Variants in ANKFN1 observed in about 807,000 individuals in gnomAD.
The protein encoded by ANKFN1 is ankyrin repeat and fibronectin type III domain containing 1.
A neutral mutation model predicts 108.7 loss-of-function variants in ANKFN1; 74 were observed. That is an observed-to-expected ratio of 0.68 (90% CI 0.56 to 0.83). The LOEUF (loss-of-function observed/expected upper bound fraction) is 0.83. Ranked by LOEUF, ANKFN1 falls within the 40% of genes least tolerant of loss-of-function variation. The pLI is 0.00. For synonymous variants in ANKFN1, 547 were observed against 516.2 expected, an observed-to-expected ratio of 1.06 and a Z score of -0.81; for missense variants, 1,505 against 1,382.3, an observed-to-expected ratio of 1.09 and a Z score of -1.41.
chr17:56,108,605 C>T (rs144947367), intron 4 of ANKFN1, among the ~76,000 whole-genome samples: 288 of 152,256 alleles, frequency 1.9e-3, no homozygotes, highest in Non-Finnish European at 3.4e-3. Flanking sequence ...AGTAACTTAA[C>T]CAATATATAA....
At chr17:56,200,860 G>T (rs1021011315) in intron 1 of ANKFN1, among the ~76,000 whole-genome samples, 1 of 152,146 alleles carries the variant, frequency 6.6e-6, no homozygotes, top group Non-Finnish European at 1.5e-5. Context: ...ATCCTCTATA[G>T]CTACAGTCTC....
chr17:56,182,399 G>A (rs1911770975), intron 1 of ANKFN1, among the ~76,000 whole-genome samples: 2 of 152,162 alleles, frequency 1.3e-5, no homozygotes, highest in Admixed American at 6.6e-5. Context: ...AAGCAAAACA[G>A]CCTTATTGCT....
At chr17:56,409,987 A>T (rs1168315265) in intron 8 of ANKFN1, among the ~76,000 whole-genome samples, 1 of 152,154 alleles carries the variant, frequency 6.6e-6, no homozygotes, top group African/African-American at 2.4e-5. Flanking sequence ...TTTTTTAAAA[A>T]AACTGAAAGT....
At chr17:56,232,276 G>A (rs924464484) in intron 3 of ANKFN1, among the ~76,000 whole-genome samples, 2 of 152,066 alleles carry the variant, frequency 1.3e-5, no homozygotes, top group African/African-American at 4.8e-5. Context: ...GAACTGAAAA[G>A]AATACTGCTG....
chr17:56,414,972 ATCGCACCACTGCAC>A (rs1301232904), intron 8 of ANKFN1, among the ~76,000 whole-genome samples: 1 of 152,206 alleles, frequency 6.6e-6, no homozygotes, highest in African/African-American at 2.4e-5. Flanking sequence ...GTGAGCCAAG[ATCGCACCACTGCAC>A]TCTGGCCTTG....
At chr17:56,411,814 C>T (rs2048098427) in intron 8 of ANKFN1, among the ~76,000 whole-genome samples, 1 of 152,074 alleles carries the variant, frequency 6.6e-6, no homozygotes, top group Non-Finnish European at 1.5e-5. Context: ...ATGTTGAAAT[C>T]CCTTCATACC....
chr17:56,443,875 G>A (rs1434702341), intron 10 of ANKFN1, among the ~76,000 whole-genome samples: 1 of 152,196 alleles, frequency 6.6e-6, no homozygotes, highest in African/African-American at 2.4e-5. Context: ...CTTCATTAAT[G>A]TGAGAGTTAA....
At chr17:56,220,474 T>G (rs1189950576) in intron 2 of ANKFN1, among the ~76,000 whole-genome samples, 2 of 151,958 alleles carry the variant, frequency 1.3e-5, no homozygotes, top group Non-Finnish European at 2.9e-5. Context: ...CTGGGTAACA[T>G]GGCAAAGCCC....
At chr17:56,359,916 A>G (rs913773337) in intron 6 of ANKFN1, among the ~76,000 whole-genome samples, 1 of 152,184 alleles carries the variant, frequency 6.6e-6, no homozygotes, top group Non-Finnish European at 1.5e-5. Context: ...CCTCAGAGTC[A>G]GTTTATGAGA....
chr17:56,462,829 C>T (rs1387122882), intron 14 of ANKFN1, among the ~76,000 whole-genome samples: 1 of 152,204 alleles, frequency 6.6e-6, no homozygotes, highest in Non-Finnish European at 1.5e-5. Flanking sequence ...ACTTTCCATA[C>T]TTTGGCCAGA....
intron 3 of ANKFN1, among the ~76,000 whole-genome samples, chr17:56,277,114 C>T (rs898714031): frequency 5.3e-5 from 8 of 152,218 alleles, no homozygotes; most frequent in Admixed American, 2.0e-4. Context: ...CAAGCTCCCA[C>T]TACCATGTAA....
chr17:56,135,561 A>C (rs1234289958), intron 4 of ANKFN1, among the ~76,000 whole-genome samples: 1 of 152,212 alleles, frequency 6.6e-6, no homozygotes, highest in Non-Finnish European at 1.5e-5. Context: ...AGCACTTTTA[A>C]GAGAAAATGA....
At chr17:56,279,754 A>G (rs2044022844) in intron 3 of ANKFN1, among the ~76,000 whole-genome samples, 1 of 152,222 alleles carries the variant, frequency 6.6e-6, no homozygotes, top group Admixed American at 6.5e-5. Context: ...AGGTCTACAC[A>G]CAATTATTGA....
At chr17:56,283,538 T>TATATATATA (rs1263196279) in intron 3 of ANKFN1, among the ~76,000 whole-genome samples, 5 of 150,124 alleles carry the variant, frequency 3.3e-5, no homozygotes, top group African/African-American at 7.6e-5. Flanking sequence ...TATATATATA[T>TATATATATA]GATGGAATAC....
intron 6 of ANKFN1, among the ~76,000 whole-genome samples, chr17:56,371,209 G>A (rs1001061558): frequency 2.6e-5 from 4 of 151,976 alleles, no homozygotes; most frequent in Non-Finnish European, 5.9e-5. Context: ...CATTAACCAT[G>A]ACAAATCTGC....
intron 8 of ANKFN1, among the ~76,000 whole-genome samples, chr17:56,398,837 A>G (rs2047666947): frequency 6.6e-6 from 1 of 152,210 alleles, no homozygotes; most frequent in African/African-American, 2.4e-5. Flanking sequence ...TATGAAGAAC[A>G]AAACAAATGA....
intron 3 of ANKFN1, among the ~76,000 whole-genome samples, chr17:56,302,769 T>A (rs1456771777): frequency 6.6e-6 from 1 of 152,176 alleles, no homozygotes; most frequent in Non-Finnish European, 1.5e-5. Context: ...TACATATAAA[T>A]TTTTTACACA....
chr17:56,479,967 G>A (rs1451056256), intron 16 of ANKFN1, among the ~76,000 whole-genome samples: 3 of 152,208 alleles, frequency 2.0e-5, no homozygotes, highest in African/African-American at 7.2e-5. Flanking sequence ...GCAGCCTTTG[G>A]GGGCAAACCA....
chr17:56,385,934 C>T (rs1598501191), intron 8 of ANKFN1, among the ~76,000 whole-genome samples: 1 of 152,190 alleles, frequency 6.6e-6, no homozygotes, highest in South Asian at 2.1e-4. Context: ...GGATCTAGAA[C>T]TAGAAATGCC....
Sources: gnomAD v4.1 joint callset for allele counts (sites outside exome capture counted in the v4.1 genomes callset) on GRCh38, gnomAD v4.1.1 for gene constraint, MANE v1.5 for transcripts, NCBI Gene and HGNC (gene_info 2026-07-23, HGNC 2026-07-21) for gene names.